Variants in SLC22A14 observed in about 807,000 individuals in gnomAD.
The protein encoded by SLC22A14 is solute carrier family 22 member 14.
In SLC22A14, 50 loss-of-function variants were observed where a neutral mutation model predicts 53.9. The ratio of observed to expected loss-of-function variants is 0.93; its 90% confidence interval spans 0.74 to 1.17. SLC22A14 has a LOEUF of 1.17. Among genes scored for constraint, SLC22A14 ranks in the 50% most tolerant of loss-of-function variants. The pLI, the probability that SLC22A14 is intolerant of heterozygous loss-of-function variation, is 0.00. For synonymous variants in SLC22A14, 312 were observed against 303.0 expected (o/e 1.03, Z -0.31); for missense variants, 671 against 734.7 (o/e 0.91, Z 1.00).
chr3:38,300,179 C>T (rs1704129720), intron 1 of SLC22A14, among the ~76,000 whole-genome samples: 1 of 152,184 alleles, frequency 6.6e-6, no homozygotes, highest in South Asian at 2.1e-4. Flanking sequence ...GTGGCTCACG[C>T]CTGTAATCCC....
chr3:38,309,356 C>A (rs1285839772), intron 5 of SLC22A14, among the ~76,000 whole-genome samples: 1 of 152,016 alleles, frequency 6.6e-6, no homozygotes, highest in Non-Finnish European at 1.5e-5. Flanking sequence ...GTCAGAAAAC[C>A]AGGAGGAAGA....
At chr3:38,288,559 AAT>A (rs1703840594) in intron 1 of SLC22A14, among the ~76,000 whole-genome samples, 1 of 152,190 alleles carries the variant, frequency 6.6e-6, no homozygotes, top group African/African-American at 2.4e-5. Flanking sequence ...AAAGGGTTCG[AAT>A]TTCTCCACAT....
rs190905770 is a variant in SLC22A14 at position 38,307,814 on chromosome 3, G to T, written c.775+94G>T. The T allele has an allele frequency of 4.1e-5, 57 of 1,400,490 alleles. No homozygotes were observed. In the African/African-American group the frequency reaches 7.9e-4, roughly 19 times the overall value. The allele number at this position is 1,400,490 out of a possible 1,614,324, so 86.8% of individuals were successfully genotyped here. A position where few individuals can be genotyped will look rare whatever the true frequency, so the allele number is the denominator to read the frequency against. The stretch of plus-strand genomic sequence containing the variant: ...GGGACATAGTGGCAGGGGGCGTGGC[G>T]GCATAGGCAGATGGCAAGGGGGCGT... On this transcript the variant is annotated intron_variant, in intron 4 of 10. Coordinates refer to ENST00000448498, the MANE Select transcript of SLC22A14 (RefSeq NM_001320033.2). The surrounding 1 kb of genome is among the most constrained non-coding windows in gnomAD (Gnocchi z 4.4).
chr3:38,300,269 A>G lies in SLC22A14; in HGVS notation c.1-5758A>G, dbSNP rs564230412. On this transcript the variant is annotated intron_variant, in intron 1 of 10. Coordinates refer to ENST00000448498, the MANE Select transcript of SLC22A14 (RefSeq NM_001320033.2). ...ACCCTGGCCAATATGGTAAAACTCT[A>G]TATCTACCAAAAATACAAAAATTAG... Among the ~76,000 whole-genome samples, 42 of 152,202 alleles carry G rather than the reference A, an allele frequency of 2.8e-4. 1 individual carries two copies. The highest frequency in any genetic ancestry group is 4.9e-4 in the Non-Finnish European group (33 of 68,008).
chr3:38,306,980 ACTGATT>A (rs1435392244), intron 2 of SLC22A14, among the ~76,000 whole-genome samples: 7 of 152,200 alleles, frequency 4.6e-5, no homozygotes, highest in Non-Finnish European at 8.8e-5. Context: ...AAGGGTCTGC[ACTGATT>A]CCTGCCTTTG....
In SLC22A14 at chr3:38,307,930, A is replaced by T; in HGVS notation, c.775+210A>T. ...CACAGAGTCAGGGGCCTAATTGGAC[A>T]GGCAGAAGTGGAAGGGATCTCCGTT... On this transcript the variant is annotated intron_variant, in intron 4 of 10. Transcript: ENST00000448498. The surrounding 1 kb of genome is among the most constrained non-coding windows in gnomAD (Gnocchi z 4.4). 3.4e-6 allele frequency: 2 copies of T among 588,960 alleles called. No individual in the cohort carries two copies. The highest frequency in any genetic ancestry group is 4.0e-5 in the South Asian group (2 of 50,346). The allele number at this position is 588,960 out of a possible 1,614,324, so 36.5% of individuals were successfully genotyped here.
intron 1 of SLC22A14, among the ~76,000 whole-genome samples, chr3:38,288,845 T>G (rs1187027116): frequency 6.6e-6 from 1 of 152,152 alleles, no homozygotes; most frequent in Non-Finnish European, 1.5e-5. Flanking sequence ...GTTTCCCGTT[T>G]TTAAAAATCG....
At chr3:38,289,254 C>T (rs929222846) in intron 1 of SLC22A14, among the ~76,000 whole-genome samples, 1 of 151,802 alleles carries the variant, frequency 6.6e-6, no homozygotes. Context: ...ACCCAGATTC[C>T]CCTAATGTTG....
chr3:38,289,180 C>CAAAA (rs1173451784), intron 1 of SLC22A14, among the ~76,000 whole-genome samples: 3,222 of 52,702 alleles, frequency 0.061, 121 homozygotes, highest in Middle Eastern at 0.14. Context: ...TCTATCTCTA[C>CAAAA]AAAAAAAAAA....
intron 1 of SLC22A14, among the ~76,000 whole-genome samples, chr3:38,291,106 T>G (rs903067221): frequency 2.0e-5 from 3 of 152,224 alleles, no homozygotes; most frequent in African/African-American, 4.8e-5. Context: ...CTAATTTTAG[T>G]GCCAAAGTGA....
At chr3:38,283,537 G>T (rs1703720228) in intron 1 of SLC22A14, among the ~76,000 whole-genome samples, 1 of 152,136 alleles carries the variant, frequency 6.6e-6, no homozygotes, top group South Asian at 2.1e-4. Context: ...GCACACATCA[G>T]AAGTAGCAGG....
intron 2 of SLC22A14, 61 bp downstream of exon 2, chr3:38,306,603 C>A: frequency 1.4e-6 from 2 of 1,474,104 alleles, no homozygotes; most frequent in Non-Finnish European, 1.9e-6. Flanking sequence ...GCCTCCCACC[C>A]TCACTGAATG....
Position 38,307,655 on chromosome 3 carries a change from ATTTG to A in SLC22A14, c.713_716del (p.Leu238SerfsTer25), listed in dbSNP as rs138257211. On this transcript the variant is annotated frameshift_variant, in exon 4 of 11. Transcript: ENST00000448498. LOFTEE classifies it high-confidence loss of function. This position sits in a 1 kb window ranked among gnomAD's most constrained non-coding sequence, Gnocchi z 4.4. The stretch of plus-strand genomic sequence containing the variant: ...GCCTTCATGAACAGCTTTCACCTGT[ATTTG>A]TTCTTTCGCTTTGGCATCTCGCAGT... The A allele has an allele frequency of 0.03, 48,772 of 1,613,994 alleles. 900 individuals carry two copies. The highest frequency in any genetic ancestry group is 0.036 in the South Asian group (3,236 of 91,058).
intron 10 of SLC22A14, 77 bp from the exon 11 acceptor site, chr3:38,318,121 C>A: frequency 7.2e-7 from 1 of 1,389,736 alleles, no homozygotes; most frequent in South Asian, 1.2e-5. Context: ...TTGGGCGCTG[C>A]TGAAGGCACA....
intron 1 of SLC22A14, among the ~76,000 whole-genome samples, chr3:38,291,178 T>C (rs1467241772): frequency 6.6e-6 from 1 of 152,226 alleles, no homozygotes; most frequent in Non-Finnish European, 1.5e-5. Context: ...TTTCAAGTAT[T>C]TAATTATTAC....
At chr3:38,283,587 T>G (rs1306222878) in intron 1 of SLC22A14, among the ~76,000 whole-genome samples, 1 of 152,150 alleles carries the variant, frequency 6.6e-6, no homozygotes, top group Non-Finnish European at 1.5e-5. Context: ...CCCAGCACTT[T>G]GGGAGGCCGA....
At chr3:38,279,274 A>C (rs1470017102), upstream of SLC22A14, among the ~76,000 whole-genome samples, 2 of 152,240 alleles carry the variant, frequency 1.3e-5, no homozygotes, top group Non-Finnish European at 2.9e-5. Context: ...CTTTCTGGGC[A>C]CAATGTGTCT....
At chr3:38,280,295 C>A (rs1469531706), upstream of SLC22A14, among the ~76,000 whole-genome samples, 1 of 152,186 alleles carries the variant, frequency 6.6e-6, no homozygotes, top group Non-Finnish European at 1.5e-5. Context: ...TCCGTGTCGG[C>A]CGGCCTATAA....
chr3:38,306,521 G>A lies in SLC22A14; in HGVS notation c.495G>A (p.Lys165=). 1 of 1,613,644 alleles carries A rather than the reference G, an allele frequency of 6.2e-7. No individual in the cohort carries two copies. The highest frequency in any genetic ancestry group is 1.1e-5 in the South Asian group (1 of 91,020). The change falls in exon 2 of 11, where the codon AAG becomes AAA. Residue 165 remains lysine (K), a synonymous_variant. Coordinates refer to ENST00000448498, the MANE Select transcript of SLC22A14 (RefSeq NM_001320033.2). ...CQDGWIYPDA[K]KRSLINEFDL... The stretch of plus-strand genomic sequence containing the variant: ...ATGGGTGGATCTATCCTGACGCTAA[G>A]AAGCGATCGCTGATCAATGAGGTAT...
Sources: gnomAD v4.1 joint callset for allele counts (sites outside exome capture counted in the v4.1 genomes callset) on GRCh38, gnomAD v4.1.1 for gene constraint, Gnocchi (gnomAD v3.1) non-coding constraint, MANE v1.5 for transcripts, NCBI Gene and HGNC (gene_info 2026-07-23, HGNC 2026-07-21) for gene names.